The following HS1BP3 variants were observed in gnomAD, a reference collection of about 807,000 sequenced individuals.
HS1BP3 encodes the protein HCLS1 binding protein 3.
A neutral mutation model predicts 33.5 loss-of-function variants in HS1BP3; 32 were observed. The ratio of observed to expected loss-of-function variants is 0.95; its 90% confidence interval spans 0.72 to 1.28. The LOEUF (loss-of-function observed/expected upper bound fraction) is 1.28, where lower values mean the gene tolerates loss of function less well. Ranked by LOEUF, HS1BP3 falls within the 50% of genes most tolerant of loss-of-function variation. HS1BP3 has a pLI of 0.00. For synonymous variants in HS1BP3, 187 were observed against 209.2 expected (o/e 0.89, Z 0.92); for missense variants, 486 against 502.3 (o/e 0.97, Z 0.31).
Position 20,630,226 on chromosome 2 carries a change from CT to C in HS1BP3, c.624-5335del, listed in dbSNP as rs1377473108. ...GCTTTAAACTAATGCACTTTTCATACTTTATTCTTAAATTCAGCTGTTTGGT... is the reference window on the plus strand; with the variant it reads ...GCTTTAAACTAATGCACTTTTCATACTTATTCTTAAATTCAGCTGTTTGGT... On this transcript the variant is annotated intron_variant, in intron 4 of 6. Coordinates refer to ENST00000304031, the MANE Select transcript of HS1BP3 (RefSeq NM_022460.4). Among the ~76,000 whole-genome samples, 35 of 152,306 alleles carry C rather than the reference CT, an allele frequency of 2.3e-4. No individual in the cohort carries two copies. The South Asian group carries it at 5.6e-3, about 24-fold the overall frequency.
chr2:20,589,401 G>A (rs1410549890), downstream of HS1BP3, among the ~76,000 whole-genome samples: 1 of 152,190 alleles, frequency 6.6e-6, no homozygotes, highest in African/African-American at 2.4e-5. Context: ...CCTAAAGGCC[G>A]AGCTTTCCTG....
intron 5 of HS1BP3, among the ~76,000 whole-genome samples, chr2:20,567,049 T>C (rs574618363): frequency 6.6e-6 from 1 of 152,240 alleles, no homozygotes; most frequent in Admixed American, 6.5e-5. Context: ...GGGTATTGGG[T>C]GCCTGCATGT....
At chr2:20,582,492 C>A (rs1693558227) in intron 5 of HS1BP3, among the ~76,000 whole-genome samples, 1 of 152,090 alleles carries the variant, frequency 6.6e-6, no homozygotes, top group Admixed American at 6.5e-5. Context: ...GAGTGCCCTG[C>A]AGATGTCTGG....
At chr2:20,561,180 C>G (rs1050730538) in intron 5 of HS1BP3, among the ~76,000 whole-genome samples, 3 of 152,132 alleles carry the variant, frequency 2.0e-5, no homozygotes, top group Non-Finnish European at 4.4e-5. Context: ...TGCCCAGTGC[C>G]CACTCCTTGG....
intron 4 of HS1BP3, among the ~76,000 whole-genome samples, chr2:20,632,567 C>T (rs1695001944): frequency 6.6e-6 from 1 of 152,240 alleles, no homozygotes; most frequent in African/African-American, 2.4e-5. Flanking sequence ...AACAACAGAG[C>T]CTGGATCTGA....
chr2:20,588,382 T>A (rs996087062), downstream of HS1BP3, among the ~76,000 whole-genome samples: 2 of 152,186 alleles, frequency 1.3e-5, no homozygotes, highest in Non-Finnish European at 2.9e-5. Flanking sequence ...AGTGGCACCA[T>A]CTCAGCTCAC....
chr2:20,623,666 CA>C (rs1694674599), intron 6 of HS1BP3: 1 of 446,460 alleles, frequency 2.2e-6, no homozygotes, highest in Non-Finnish European at 3.9e-6. Context: ...GTTGTGCACA[CA>C]AAGTTCTCTC....
intron 1 of HS1BP3, 115 bp downstream of exon 1, chr2:20,650,917 C>A (rs13033215): frequency 1.1e-6 from 1 of 938,536 alleles, no homozygotes; most frequent in African/African-American, 1.7e-5. Flanking sequence ...ACCGAGGGCG[C>A]TGGGGAGACC....
chr2:20,554,495 G>A, the HS1BP3 span, among the ~76,000 whole-genome samples: 2 of 152,298 alleles, frequency 1.3e-5, no homozygotes, highest in African/African-American at 2.4e-5. Context: ...GGCCGAGGCC[G>A]GCGGATCACC....
At chr2:20,600,858 T>A (rs899992941) in intron 2 of HS1BP3, among the ~76,000 whole-genome samples, 1 of 152,168 alleles carries the variant, frequency 6.6e-6, no homozygotes, top group African/African-American at 2.4e-5. Flanking sequence ...TATTTCAAAA[T>A]TTTTTTATTA....
intron 5 of HS1BP3, among the ~76,000 whole-genome samples, chr2:20,574,050 G>A (rs935912807): frequency 7.9e-5 from 12 of 152,192 alleles, no homozygotes; most frequent in African/African-American, 2.9e-4. Flanking sequence ...TGTGTGGGTT[G>A]CCCTCAAAAA....
At chr2:20,615,745 C>T (rs16987904), downstream of HS1BP3, among the ~76,000 whole-genome samples, 2,648 of 152,348 alleles carry the variant, frequency 0.017, 58 homozygotes, top group African/African-American at 0.054. Context: ...GTCAACACAA[C>T]GCCCAGGTGG....
At chr2:20,581,191 A>T (rs1195474224) in intron 5 of HS1BP3, among the ~76,000 whole-genome samples, 2 of 152,166 alleles carry the variant, frequency 1.3e-5, no homozygotes, top group African/African-American at 4.8e-5. Flanking sequence ...GATCTTGGAG[A>T]AGTCAAGACA....
At chr2:20,607,161 CT>C (rs35269255) in intron 2 of HS1BP3, among the ~76,000 whole-genome samples, 57 of 146,648 alleles carry the variant, frequency 3.9e-4, no homozygotes, top group African/African-American at 6.0e-4. Flanking sequence ...CAACTTCATT[CT>C]TTTTTTTTTT....
chr2:20,638,852 G>A (rs926511786), intron 3 of HS1BP3, among the ~76,000 whole-genome samples, 200 bp from the exon 4 acceptor site: 1 of 152,198 alleles, frequency 6.6e-6, no homozygotes, highest in Non-Finnish European at 1.5e-5. Flanking sequence ...TTCGGGGGCA[G>A]CCAAGTGCCT....
intron 1 of HS1BP3, among the ~76,000 whole-genome samples, chr2:20,646,733 C>T (rs1695532797): frequency 6.6e-6 from 1 of 152,238 alleles, no homozygotes; most frequent in African/African-American, 2.4e-5. Context: ...CACGCGCGGC[C>T]TGGTGTCACC....
downstream of HS1BP3, among the ~76,000 whole-genome samples, chr2:20,617,443 A>T (rs1196251202): frequency 6.6e-6 from 1 of 152,144 alleles, no homozygotes; most frequent in African/African-American, 2.4e-5. Flanking sequence ...CGACCCCAAA[A>T]CCACCTGTTT....
chr2:20,583,322 G>C (rs1213977978), intron 5 of HS1BP3, among the ~76,000 whole-genome samples: 1 of 151,726 alleles, frequency 6.6e-6, no homozygotes, highest in East Asian at 1.9e-4. Flanking sequence ...TTATCAGGAA[G>C]GCTGGAGAGC....
intron 5 of HS1BP3, among the ~76,000 whole-genome samples, chr2:20,567,551 G>A (rs1280569433): frequency 6.6e-6 from 1 of 151,932 alleles, no homozygotes; most frequent in East Asian, 1.9e-4. Context: ...GGGGGTCTGC[G>A]ATCAGCCAGA....
Sources: gnomAD v4.1 joint callset for allele counts (sites outside exome capture counted in the v4.1 genomes callset) on GRCh38, gnomAD v4.1.1 for gene constraint, MANE v1.5 for transcripts, NCBI Gene and HGNC (gene_info 2026-07-23, HGNC 2026-07-21) for gene names.